TMEM163: variants seen among roughly 807,000 people sequenced by gnomAD.
TMEM163 encodes transmembrane protein 163.
A neutral mutation model predicts 29.3 loss-of-function variants in TMEM163; 17 were observed. The observed-to-expected ratio is 0.58, with a 90% CI of 0.40 to 0.87. The LOEUF is 0.87. TMEM163 is among the 40% of genes least tolerant of loss of function. TMEM163 has a pLI of 0.00. For synonymous variants in TMEM163, 157 were observed against 160.6 expected (o/e 0.98, Z 0.17); for missense variants, 303 against 381.5 (o/e 0.79, Z 1.71).
chr2:134,562,512 A>T (rs983680646), intron 2 of TMEM163, among the ~76,000 whole-genome samples: 3 of 152,234 alleles, frequency 2.0e-5, no homozygotes, highest in South Asian at 2.1e-4. Flanking sequence ...GGCCACTGAG[A>T]TGGCCCTTGG....
At position 134,502,950 on chromosome 2, in the gene TMEM163, A is replaced by G. The variant is rs763404946; in HGVS notation, c.506T>C (p.Ile169Thr). The change falls in exon 5 of 8, where the codon ATA becomes ACA. Residue 169 changes from isoleucine (I) to threonine (T), a missense_variant. Coordinates refer to ENST00000281924, the MANE Select transcript of TMEM163 (RefSeq NM_030923.5). ...GVIFLLSSIC[I>T]VVKAIHDLST... ...GAGGTCATGGATGGCTTTGACCACT[A>G]TACATATGGATGACAGAAGGAATAT... The G allele has an allele frequency of 7.4e-6, 12 of 1,614,070 alleles. No individual in the cohort carries two copies. The South Asian group carries it at 9.9e-5, about 13-fold the overall frequency.
intron 2 of TMEM163, among the ~76,000 whole-genome samples, chr2:134,709,015 G>T (rs955643816): frequency 3.3e-4 from 50 of 152,146 alleles, no homozygotes; most frequent in African/African-American, 1.2e-3. Context: ...ATTTCCCACA[G>T]AACATGTATT....
In TMEM163 at chr2:134,633,966, CATATATATATATATATAT is replaced by C. The variant is rs535811215; in HGVS notation, c.322+79216_322+79233del. On this transcript the variant is annotated intron_variant, in intron 2 of 7. Transcript: ENST00000281924. ...GTGAAACTGTCTCAAAAAAAAAATA[CATATATATATATATATAT>C]ATATATATATATATATATATATATA... 5.4e-3 allele frequency among the ~76,000 whole-genome samples: 206 copies of C among 37,864 alleles called. 3 individuals carry two copies. Among genetic ancestry groups the C allele is most frequent in the East Asian group, 0.032 (20 of 634 alleles). 24.8% of individuals were successfully genotyped at this position (37,864 alleles called of 152,430 possible).
At chr2:134,512,352 A>T (rs1227170286) in intron 4 of TMEM163, among the ~76,000 whole-genome samples, 1 of 152,148 alleles carries the variant, frequency 6.6e-6, no homozygotes, top group Non-Finnish European at 1.5e-5. Flanking sequence ...CAGCTTACTC[A>T]GGAAGCTGAG....
intron 4 of TMEM163, among the ~76,000 whole-genome samples, chr2:134,528,971 T>G (rs1419918458): frequency 2.6e-5 from 4 of 152,080 alleles, no homozygotes. Context: ...AATGCTCACT[T>G]TAGAAAGTGG....
Position 134,687,363 on chromosome 2 carries a change from C to A in TMEM163, c.322+25837G>T, listed in dbSNP as rs901358897. Among the ~76,000 whole-genome samples, 11 of 152,154 alleles carry A rather than the reference C, an allele frequency of 7.2e-5. No homozygotes were observed. The East Asian group carries it at 2.1e-3, about 29-fold the overall frequency. On this transcript the variant is annotated intron_variant, in intron 2 of 7. Transcript: ENST00000281924. ...GAGAGGGAAAAGGACCCACAGGGAT[C>A]TGTTTTTTGTGATCAACTTTAGCAC...
Position 134,460,077 on chromosome 2 carries a change from C to CCA in TMEM163, c.668-1905_668-1904insTG, listed in dbSNP as rs1553471206. 4.4e-4 allele frequency among the ~76,000 whole-genome samples: 57 copies of CCA among 129,506 alleles called. No homozygotes were observed. The highest frequency in any genetic ancestry group is 7.3e-4 in the Non-Finnish European group (46 of 62,838). 85.0% of individuals were successfully genotyped at this position (129,506 alleles called of 152,430 possible). On this transcript the variant is annotated intron_variant, in intron 6 of 7. Transcript: ENST00000281924. This position sits in a 1 kb window ranked among gnomAD's most constrained non-coding sequence, Gnocchi z 4.3. ...CCTCGAGCCCCTTGCCAGATGTTAC[C>CCA]CCCCCCCAAATTCATTCTCACTCTC...
intron 4 of TMEM163, among the ~76,000 whole-genome samples, chr2:134,507,511 G>A (rs535970208): frequency 6.6e-6 from 1 of 152,256 alleles, no homozygotes; most frequent in South Asian, 2.1e-4. Flanking sequence ...TGGGGACGTG[G>A]CCCCTCAATC....
At chr2:134,696,720 T>C (rs1165473295) in intron 2 of TMEM163, among the ~76,000 whole-genome samples, 1 of 152,198 alleles carries the variant, frequency 6.6e-6, no homozygotes, top group Non-Finnish European at 1.5e-5. Flanking sequence ...TTTAGTATAT[T>C]AAACTTCTAC....
chr2:134,585,570 G>A (rs907390648), intron 2 of TMEM163, among the ~76,000 whole-genome samples: 5 of 152,004 alleles, frequency 3.3e-5, no homozygotes, highest in Non-Finnish European at 7.4e-5. Flanking sequence ...GTGAAACCCC[G>A]TCTCTACTAA....
chr2:134,550,744 C>CT, intron 3 of TMEM163, 83 bp from the exon 4 acceptor site: 1 of 1,292,946 alleles, frequency 7.7e-7, no homozygotes, highest in Non-Finnish European at 1.1e-6. Context: ...TGTGCTGTGA[C>CT]TCAGAACATC....
intron 4 of TMEM163, among the ~76,000 whole-genome samples, chr2:134,547,126 G>A (rs577547985): frequency 6.6e-6 from 1 of 152,260 alleles, no homozygotes; most frequent in East Asian, 1.9e-4. Context: ...AACAACATGA[G>A]ATACGCTTAA....
chr2:134,679,277 A>G (rs535758664), intron 2 of TMEM163, among the ~76,000 whole-genome samples: 1 of 152,366 alleles, frequency 6.6e-6, no homozygotes, highest in South Asian at 2.1e-4. Flanking sequence ...CCTGCGGTTC[A>G]TGAATATGTG....
intron 2 of TMEM163, among the ~76,000 whole-genome samples, chr2:134,604,086 C>T (rs1425360994): frequency 2.0e-5 from 3 of 152,062 alleles, no homozygotes; most frequent in Admixed American, 2.0e-4. Flanking sequence ...TTGTTTAGCT[C>T]CAACGTAACT....
chr2:134,609,998 C>G (rs550376196), intron 2 of TMEM163, among the ~76,000 whole-genome samples: 78 of 152,130 alleles, frequency 5.1e-4, no homozygotes, highest in Non-Finnish European at 1.6e-4. Context: ...AAAATCAAAG[C>G]TGCTGGGTGG....
intron 2 of TMEM163, among the ~76,000 whole-genome samples, chr2:134,633,924 T>C (rs1287735468): frequency 1.4e-5 from 2 of 141,296 alleles, no homozygotes; most frequent in Non-Finnish European, 3.0e-5. Context: ...ATCATGCCAC[T>C]GCACTGGGCC....
At chr2:134,608,884 C>A (rs1267740212) in intron 2 of TMEM163, among the ~76,000 whole-genome samples, 2 of 58,130 alleles carry the variant, frequency 3.4e-5, no homozygotes, top group African/African-American at 1.1e-4. Context: ...ACCCTGAGAA[C>A]TGTACTGGTG....
intron 6 of TMEM163, among the ~76,000 whole-genome samples, chr2:134,463,483 C>T (rs1686596845): frequency 6.6e-6 from 1 of 152,202 alleles, no homozygotes; most frequent in African/African-American, 2.4e-5. Flanking sequence ...TGCAGATGAA[C>T]CTGGGTCTTG....
chr2:134,581,363 T>C (rs552430334), intron 2 of TMEM163, among the ~76,000 whole-genome samples: 2 of 152,370 alleles, frequency 1.3e-5, no homozygotes, highest in East Asian at 3.9e-4. Context: ...TCACATCTTC[T>C]TCATAAGTGT....
Sources: gnomAD v4.1 joint callset for allele counts (sites outside exome capture counted in the v4.1 genomes callset) on GRCh38, gnomAD v4.1.1 for gene constraint, Gnocchi (gnomAD v3.1) non-coding constraint, MANE v1.5 for transcripts, NCBI Gene and HGNC (gene_info 2026-07-23, HGNC 2026-07-21) for gene names.